The following PRKCE variants were observed in gnomAD, a reference collection of about 807,000 sequenced individuals.
PRKCE encodes the protein protein kinase C epsilon.
PRKCE carries 16 observed loss-of-function variants against 85.4 expected under a neutral mutation model. That is an observed-to-expected ratio of 0.19 (90% CI 0.13 to 0.28). The LOEUF is 0.28. PRKCE is among the 10% of genes least tolerant of loss of function. PRKCE has a pLI of 1.00. For synonymous variants in PRKCE, 388 were observed against 371.5 expected, an observed-to-expected ratio of 1.04 and a Z score of -0.51; for missense variants, 573 against 975.2, an observed-to-expected ratio of 0.59 and a Z score of 5.49.
intron 2 of PRKCE, among the ~76,000 whole-genome samples, chr2:45,883,908 C>T (rs895967437): frequency 3.3e-4 from 50 of 152,252 alleles, no homozygotes; most frequent in Admixed American, 3.0e-3. Context: ...GAGCTTGCTT[C>T]CCACGTTGTC....
chr2:45,798,432 G>A (rs913816608), intron 1 of PRKCE, among the ~76,000 whole-genome samples: 11 of 152,082 alleles, frequency 7.2e-5, no homozygotes, highest in African/African-American at 1.4e-4. Context: ...GCCTGCCCCC[G>A]ACTTTTGTGG....
intron 1 of PRKCE, among the ~76,000 whole-genome samples, chr2:45,661,408 C>A (rs895839530): frequency 1.3e-5 from 2 of 151,954 alleles, no homozygotes; most frequent in Non-Finnish European, 2.9e-5. Flanking sequence ...GTCTTAAACT[C>A]CTGACCTTAA....
At chr2:45,827,669 CA>C (rs1336706252) in intron 1 of PRKCE, among the ~76,000 whole-genome samples, 2 of 152,180 alleles carry the variant, frequency 1.3e-5, no homozygotes, top group Admixed American at 1.3e-4. Context: ...TTTAGTGCAC[CA>C]TTAGATTACA....
chr2:45,841,503 T>C (rs886729772), intron 1 of PRKCE, among the ~76,000 whole-genome samples: 2 of 152,234 alleles, frequency 1.3e-5, no homozygotes, highest in African/African-American at 4.8e-5. Flanking sequence ...TCTTTCAAAC[T>C]TCTTCTGCCT....
At chr2:46,089,870 C>G (rs1669996858) in intron 11 of PRKCE, among the ~76,000 whole-genome samples, 1 of 152,198 alleles carries the variant, frequency 6.6e-6, no homozygotes, top group Admixed American at 6.5e-5. Flanking sequence ...CCATTATCCC[C>G]CAAATACCAT....
chr2:46,102,354 A>T (rs1227727328), intron 11 of PRKCE, among the ~76,000 whole-genome samples: 1 of 152,152 alleles, frequency 6.6e-6, no homozygotes, highest in African/African-American at 2.4e-5. Flanking sequence ...AAGTTCAATA[A>T]ATTTCAGATG....
In PRKCE at chr2:45,695,802, G is replaced by A. The variant is rs7571981; in HGVS notation, c.348+43354G>A. Reference sequence around the variant, plus strand: ...AAAACAGAAACCACTAGTAGAATATGTACCATGCTTGTAGGATGCAAGGTC... The same window carrying A: ...AAAACAGAAACCACTAGTAGAATATATACCATGCTTGTAGGATGCAAGGTC... On this transcript the variant is annotated intron_variant, in intron 1 of 14. Transcript: ENST00000306156. Among the ~76,000 whole-genome samples, 918 of 152,292 alleles carry A rather than the reference G, an allele frequency of 6.0e-3. 10 individuals are homozygous for A. Among genetic ancestry groups the A allele is most frequent in the Middle Eastern group, 0.017 (5 of 294 alleles).
intron 1 of PRKCE, among the ~76,000 whole-genome samples, chr2:45,680,558 G>A (rs1300430854): frequency 6.6e-6 from 1 of 152,202 alleles, no homozygotes; most frequent in Non-Finnish European, 1.5e-5. Flanking sequence ...ACCAAACGGG[G>A]AAAGTAAGAT....
intron 8 of PRKCE, among the ~76,000 whole-genome samples, 183 bp from the exon 9 acceptor site, chr2:46,007,279 T>C (rs10177075): frequency 0.22 from 33,701 of 152,168 alleles, 4,124 homozygotes; most frequent in African/African-American, 0.31. Context: ...TGCTGCGCAT[T>C]AGGTGCCAAT....
At chr2:45,674,894 G>A (rs1244026193) in intron 1 of PRKCE, 1 of 152,202 alleles carries the variant, frequency 6.6e-6, no homozygotes, top group Non-Finnish European at 1.5e-5. Flanking sequence ...GAAGCAGGCA[G>A]TTGAACTGTT....
intron 14 of PRKCE, among the ~76,000 whole-genome samples, chr2:46,162,240 C>A (rs1046502165): frequency 6.6e-6 from 1 of 152,096 alleles, no homozygotes. Flanking sequence ...CAAAAGGGAC[C>A]TGTGCTTTCT....
At chr2:45,908,942 A>T (rs1043403509) in intron 2 of PRKCE, among the ~76,000 whole-genome samples, 2 of 152,084 alleles carry the variant, frequency 1.3e-5, no homozygotes, top group African/African-American at 2.4e-5. Flanking sequence ...TAGCACTCTG[A>T]TTTCTATGTC....
In PRKCE at chr2:46,139,532, T is replaced by C. The variant is rs1286911009; in HGVS notation, c.1593-5561T>C. On this transcript the variant is annotated intron_variant, in intron 11 of 14. Transcript: ENST00000306156. This position sits in a 1 kb window ranked among gnomAD's most constrained non-coding sequence, Gnocchi z 5.2. The stretch of plus-strand genomic sequence containing the variant: ...AAGATACAAGTTTCTTTCTTTTTCA[T>C]ATGAAAGTTATCTGAAGGCTGATGG... Among the ~76,000 whole-genome samples the C allele has an allele frequency of 6.6e-6, 1 of 152,142 alleles. No homozygotes were observed. Among genetic ancestry groups the C allele is most frequent in the Admixed American group, 6.5e-5 (1 of 15,274 alleles).
chr2:46,012,642 G>A (rs1009119390), intron 10 of PRKCE, among the ~76,000 whole-genome samples: 1 of 152,184 alleles, frequency 6.6e-6, no homozygotes, highest in African/African-American at 2.4e-5. Context: ...CAACATCCTA[G>A]GAGGGGTCCA....
At chr2:45,737,921 T>G (rs11125029) in intron 1 of PRKCE, among the ~76,000 whole-genome samples, 56,296 of 151,874 alleles carry the variant, frequency 0.37, 11,237 homozygotes, top group Non-Finnish European at 0.44. Context: ...CACCCCTTCC[T>G]GATTATACAG....
intron 2 of PRKCE, among the ~76,000 whole-genome samples, chr2:45,945,940 A>G (rs558034215): frequency 1.3e-5 from 2 of 152,238 alleles, no homozygotes; most frequent in South Asian, 2.1e-4. Context: ...GTGTGAAGCC[A>G]TGGTTGAATG....
intron 2 of PRKCE, among the ~76,000 whole-genome samples, chr2:45,950,095 T>G (rs888590285): frequency 1.3e-5 from 2 of 152,220 alleles, no homozygotes; most frequent in Non-Finnish European, 2.9e-5. Flanking sequence ...AATTTCTTTT[T>G]AAGTATTATG....
At chr2:45,806,501 T>G (rs893345131) in intron 1 of PRKCE, among the ~76,000 whole-genome samples, 1 of 152,214 alleles carries the variant, frequency 6.6e-6, no homozygotes. Context: ...CCGTTCACAT[T>G]GTTGTGCAGC....
At chr2:45,656,511 C>A (rs1226051246) in intron 1 of PRKCE, among the ~76,000 whole-genome samples, 1 of 152,182 alleles carries the variant, frequency 6.6e-6, no homozygotes, top group Non-Finnish European at 1.5e-5. Flanking sequence ...TTTGCTGATG[C>A]TTTGAAGTAA....
Sources: allele counts gnomAD v4.1 joint callset (sites outside exome capture counted in the v4.1 genomes callset), GRCh38; gene constraint gnomAD v4.1.1; non-coding constraint Gnocchi (gnomAD v3.1); transcripts MANE v1.5; gene names NCBI Gene and HGNC (gene_info 2026-07-23, HGNC 2026-07-21).